Variants in GRK5 observed in about 807,000 individuals in gnomAD.
GRK5 encodes g protein-coupled receptor kinase GRK5.
In GRK5, 40 loss-of-function variants were observed where a neutral mutation model predicts 78.4. The observed-to-expected ratio is 0.51, with a 90% CI of 0.40 to 0.66. The LOEUF is 0.66. GRK5 is among the 30% of genes least tolerant of loss of function. The probability of loss-of-function intolerance (pLI) is 0.00; values close to 1 mark genes in which losing one functional copy is unlikely to be tolerated. For missense variants in GRK5, 598 were observed against 759.9 expected, an observed-to-expected ratio of 0.79 and a Z score of 2.50; for synonymous variants, 289 against 296.8, an observed-to-expected ratio of 0.97 and a Z score of 0.27.
At chr10:119,328,536 G>A (rs983783079) in intron 2 of GRK5, among the ~76,000 whole-genome samples, 37 of 152,126 alleles carry the variant, frequency 2.4e-4, no homozygotes, top group African/African-American at 8.7e-4. Context: ...TTCATCCTGG[G>A]TCTGCTGGCT....
Position 119,224,371 on chromosome 10 carries a change from CTATT to C in GRK5, c.52+16411_52+16414del, listed in dbSNP as rs1057132376. On this transcript the variant is annotated intron_variant, in intron 1 of 15. Coordinates refer to ENST00000392870, the MANE Select transcript of GRK5 (RefSeq NM_005308.3). Reference sequence around the variant, plus strand: ...GCCAGAAGTGAGATCCAGTCACCCACTATTTATTTATTAATTTATTATTTATTTA... The same window carrying C: ...GCCAGAAGTGAGATCCAGTCACCCACTATTTATTAATTTATTATTTATTTA... Among the ~76,000 whole-genome samples the C allele has an allele frequency of 1.6e-3, 238 of 147,326 alleles. 2 individuals carry two copies. Among genetic ancestry groups the C allele is most frequent in the Middle Eastern group, 6.9e-3 (2 of 288 alleles).
Position 119,402,067 on chromosome 10 carries a change from A to G in GRK5, c.339+5295A>G, listed in dbSNP as rs942012671. Among the ~76,000 whole-genome samples, 3 of 152,172 alleles carry G rather than the reference A, an allele frequency of 2.0e-5. No individual in the cohort carries two copies. The South Asian group carries it at 6.2e-4, about 32-fold the overall frequency. ...AGAGGAAGAGAGGGATGAAGGAGGC[A>G]CAGAAGCTTTTAAGTGCTTGACCCA... is the stretch of plus-strand genomic sequence containing the variant. On this transcript the variant is annotated intron_variant, in intron 4 of 15. Transcript: ENST00000392870.
chr10:119,436,625 C>T, intron 8 of GRK5, 26 bp from the exon 9 acceptor site: 1 of 1,612,400 alleles, frequency 6.2e-7, no homozygotes, highest in Non-Finnish European at 8.5e-7. Flanking sequence ...CACAACCTCC[C>T]CATGGCACTG....
At chr10:119,444,937 C>A (rs1437793817) in intron 12 of GRK5, among the ~76,000 whole-genome samples, 1 of 152,240 alleles carries the variant, frequency 6.6e-6, no homozygotes, top group Non-Finnish European at 1.5e-5. Context: ...GCGCCGCAAG[C>A]GGCCCCAGGA....
At chr10:119,356,385 T>A (rs2133804137) in intron 2 of GRK5, among the ~76,000 whole-genome samples, 1 of 152,350 alleles carries the variant, frequency 6.6e-6, no homozygotes, top group Admixed American at 6.5e-5. Context: ...AGAATCACAA[T>A]CACCTTGGAC....
chr10:119,435,863 A>G (rs1160539711), intron 8 of GRK5, among the ~76,000 whole-genome samples: 1 of 152,240 alleles, frequency 6.6e-6, no homozygotes, highest in Non-Finnish European at 1.5e-5. Context: ...CAAAAGAAAG[A>G]GGTTTAATGG....
chr10:119,443,589 A>C lies in GRK5; in HGVS notation c.1103A>C (p.Tyr368Ser). ...NNQRYGLSPD[Y>S]WGLGCLIYEM... ...CAGAGGTACGGCCTGAGCCCCGACT[A>C]CTGGGGCCTTGGCTGCCTCATCTAT... is the stretch of plus-strand genomic sequence containing the variant. Residue 368 changes from tyrosine (Y) to serine (S), a missense_variant, in exon 12 of 16, where the codon TAC becomes TCC. Tyr to Ser is a moderately radical substitution (Grantham distance 144). Coordinates refer to ENST00000392870, the MANE Select transcript of GRK5 (RefSeq NM_005308.3). The C allele has an allele frequency of 6.2e-7, 1 of 1,613,316 alleles. No homozygotes were observed. Among genetic ancestry groups the C allele is most frequent in the Non-Finnish European group, 8.5e-7 (1 of 1,179,472 alleles).
intron 8 of GRK5, among the ~76,000 whole-genome samples, chr10:119,432,722 A>G (rs1852843575): frequency 6.6e-6 from 1 of 152,166 alleles, no homozygotes; most frequent in African/African-American, 2.4e-5. Context: ...TCCTGAAGAG[A>G]TAAAGCATAA....
At chr10:119,427,079 A>T (rs1310732528) in intron 6 of GRK5, among the ~76,000 whole-genome samples, 5 of 152,064 alleles carry the variant, frequency 3.3e-5, no homozygotes, top group Admixed American at 6.5e-5. Context: ...CATCACCATC[A>T]TCAGCATCAC....
At chr10:119,436,297 T>C (rs1212124842) in intron 8 of GRK5, among the ~76,000 whole-genome samples, 1 of 152,246 alleles carries the variant, frequency 6.6e-6, no homozygotes, top group Non-Finnish European at 1.5e-5. Flanking sequence ...AGCCCTGCTT[T>C]TCTGACTGGC....
intron 2 of GRK5, among the ~76,000 whole-genome samples, chr10:119,349,668 C>G (rs750032421): frequency 6.6e-6 from 1 of 152,212 alleles, no homozygotes; most frequent in Non-Finnish European, 1.5e-5. Flanking sequence ...CTCTGTAGGC[C>G]TGGTGACAGC....
chr10:119,237,656 C>T (rs1367759782), intron 1 of GRK5, among the ~76,000 whole-genome samples: 1 of 151,764 alleles, frequency 6.6e-6, no homozygotes, highest in Non-Finnish European at 1.5e-5. Flanking sequence ...TATTCAGGGG[C>T]TTGAAGGCCT....
Position 119,431,344 on chromosome 10 carries a change from T to G in GRK5, c.598-43T>G. ...GCCCTGGAGGAGCTCGGGGCAGGCC[T>G]CCACGGTGCTCCTGCCACCCTGGTT... On this transcript the variant is annotated intron_variant, in intron 7 of 15. Coordinates refer to ENST00000392870, the MANE Select transcript of GRK5 (RefSeq NM_005308.3). The surrounding 1 kb of genome is among the most constrained non-coding windows in gnomAD (Gnocchi z 4.8). The G allele has an allele frequency of 6.3e-7, 1 of 1,591,682 alleles. No homozygotes were observed. Among genetic ancestry groups the G allele is most frequent in the Non-Finnish European group, 8.6e-7 (1 of 1,168,770 alleles).
At chr10:119,363,153 C>G (rs1342816916) in intron 2 of GRK5, among the ~76,000 whole-genome samples, 1 of 151,524 alleles carries the variant, frequency 6.6e-6, no homozygotes, top group Non-Finnish European at 1.5e-5. Context: ...TGGTGGCAGA[C>G]GCCTGTAATC....
intron 3 of GRK5, among the ~76,000 whole-genome samples, chr10:119,384,293 G>A (rs1851758836): frequency 6.6e-6 from 1 of 152,140 alleles, no homozygotes; most frequent in Non-Finnish European, 1.5e-5. Flanking sequence ...CCCCTCTGCT[G>A]TGGGTGCTTG....
intron 1 of GRK5, among the ~76,000 whole-genome samples, chr10:119,279,237 G>A (rs1264037649): frequency 1.3e-5 from 2 of 152,136 alleles, no homozygotes; most frequent in East Asian, 3.9e-4. Flanking sequence ...CCTAATGAAT[G>A]GCCTCATTTT....
chr10:119,415,098 AAAAAAG>A (rs1564925862), intron 4 of GRK5, among the ~76,000 whole-genome samples: 3 of 150,824 alleles, frequency 2.0e-5, no homozygotes, highest in African/African-American at 4.9e-5. Flanking sequence ...AAAAAAAAAA[AAAAAAG>A]AAAAAGAAAA....
At chr10:119,303,531 G>C (rs1230227597) in intron 1 of GRK5, among the ~76,000 whole-genome samples, 1 of 152,160 alleles carries the variant, frequency 6.6e-6, no homozygotes, top group African/African-American at 2.4e-5. Context: ...GGAGTGGAGT[G>C]TGGGCCTGGG....
chr10:119,239,150 A>G (rs1848979047), intron 1 of GRK5, among the ~76,000 whole-genome samples: 1 of 152,124 alleles, frequency 6.6e-6, no homozygotes, highest in African/African-American at 2.4e-5. Flanking sequence ...CTCCCCAGTT[A>G]AGGGCCTTTC....
Sources: gnomAD v4.1 joint callset for allele counts (sites outside exome capture counted in the v4.1 genomes callset) on GRCh38, gnomAD v4.1.1 for gene constraint, Gnocchi (gnomAD v3.1) non-coding constraint, MANE v1.5 for transcripts, NCBI Gene and HGNC (gene_info 2026-07-23, HGNC 2026-07-21) for gene names.